PHLDB2: variants seen among roughly 807,000 people sequenced by gnomAD.
PHLDB2 encodes pleckstrin homology-like domain family B member 2.
A neutral mutation model predicts 123.6 loss-of-function variants in PHLDB2; 71 were observed. The observed-to-expected ratio is 0.57, with a 90% CI of 0.47 to 0.70. The LOEUF is 0.70. PHLDB2 is among the 30% of genes least tolerant of loss of function. The pLI, the probability that PHLDB2 is intolerant of heterozygous loss-of-function variation, is 0.00. For synonymous variants in PHLDB2, 547 were observed against 541.6 expected, an observed-to-expected ratio of 1.01 and a Z score of -0.14; for missense variants, 1,446 against 1,519.5, an observed-to-expected ratio of 0.95 and a Z score of 0.80.
chr3:111,955,143 T>TTATA (rs1559921115), intron 12 of PHLDB2, among the ~76,000 whole-genome samples: 1 of 9,248 alleles, frequency 1.1e-4, no homozygotes, highest in African/African-American at 3.3e-4. Flanking sequence ...TATGTATATA[T>TTATA]GATATATATA....
At chr3:111,973,858 A>G in intron 17 of PHLDB2, 41 bp downstream of exon 17, 1 of 1,212,668 alleles carries the variant, frequency 8.2e-7, no homozygotes, top group Non-Finnish European at 1.2e-6. Context: ...TTGAATGCAT[A>G]ATTAAGAAGG....
intron 12 of PHLDB2, among the ~76,000 whole-genome samples, chr3:111,961,767 G>C (rs943066822): frequency 1.3e-5 from 2 of 152,120 alleles, no homozygotes; most frequent in Non-Finnish European, 2.9e-5. Context: ...ATTTTCACTT[G>C]AACACAGCTA....
chr3:111,827,838 T>A (rs920532822), intron 1 of PHLDB2, among the ~76,000 whole-genome samples: 3 of 152,150 alleles, frequency 2.0e-5, no homozygotes, highest in Non-Finnish European at 2.9e-5. Context: ...GTCTCAGGGC[T>A]TACTAGAGTG....
At chr3:111,901,004 G>A (rs955484681) in intron 2 of PHLDB2, among the ~76,000 whole-genome samples, 4 of 151,922 alleles carry the variant, frequency 2.6e-5, no homozygotes, top group African/African-American at 9.7e-5. Context: ...TCACAGGCGT[G>A]AGCCACTGTG....
At chr3:111,748,960 G>T (rs1403867476) in intron 1 of PHLDB2, among the ~76,000 whole-genome samples, 1 of 151,738 alleles carries the variant, frequency 6.6e-6, no homozygotes, top group East Asian at 1.9e-4. Context: ...TACATTTTTA[G>T]AGTCTTTTTA....
chr3:111,824,084 A>T (rs992960314), intron 1 of PHLDB2, among the ~76,000 whole-genome samples: 5 of 152,342 alleles, frequency 3.3e-5, no homozygotes, highest in African/African-American at 9.6e-5. Flanking sequence ...CTCTGTCTGC[A>T]GATAACTTGA....
chr3:111,882,866 C>T (rs1207223167), intron 1 of PHLDB2, among the ~76,000 whole-genome samples: 1 of 152,188 alleles, frequency 6.6e-6, no homozygotes. Context: ...TCAAGTTTTT[C>T]ACCTATAGGA....
intron 1 of PHLDB2, among the ~76,000 whole-genome samples, chr3:111,764,444 AC>A (rs2060044291): frequency 6.6e-6 from 1 of 152,184 alleles, no homozygotes; most frequent in South Asian, 2.1e-4. Flanking sequence ...CCTGTGTTAA[AC>A]ATGGATTGTT....
At chr3:111,933,791 C>T (rs878921506) in intron 6 of PHLDB2, among the ~76,000 whole-genome samples, 1 of 152,066 alleles carries the variant, frequency 6.6e-6, no homozygotes, top group Admixed American at 6.6e-5. Context: ...ATTTTTTTTA[C>T]ATTTGCTTAC....
intron 2 of PHLDB2, among the ~76,000 whole-genome samples, chr3:111,846,852 G>A (rs2064015656): frequency 6.6e-6 from 1 of 152,088 alleles, no homozygotes; most frequent in South Asian, 2.1e-4. Context: ...GAGCAGACAT[G>A]GAAAATAAAA....
At chr3:111,929,993 G>A (rs1444404920) in intron 5 of PHLDB2, among the ~76,000 whole-genome samples, 1 of 148,808 alleles carries the variant, frequency 6.7e-6, no homozygotes, top group Non-Finnish European at 1.5e-5. Flanking sequence ...CTCACTGCAA[G>A]CTCTGCCTCC....
At chr3:111,810,673 T>C (rs2061797521) in intron 1 of PHLDB2, among the ~76,000 whole-genome samples, 1 of 152,106 alleles carries the variant, frequency 6.6e-6, no homozygotes, top group Admixed American at 6.6e-5. Context: ...ATATAAATTT[T>C]CCAAGGACGC....
At chr3:111,955,246 G>GT in intron 12 of PHLDB2, among the ~76,000 whole-genome samples, 1 of 151,712 alleles carries the variant, frequency 6.6e-6, no homozygotes, top group Non-Finnish European at 1.5e-5. Context: ...TTTATAATGT[G>GT]TAAGAGACAT....
At chr3:111,946,962 G>C (rs1255637989) in intron 9 of PHLDB2, among the ~76,000 whole-genome samples, 3 of 151,020 alleles carry the variant, frequency 2.0e-5, no homozygotes, top group African/African-American at 4.9e-5. Flanking sequence ...TTTGGAGGTA[G>C]AGTTGACAGT....
rs1391352944 is a variant in PHLDB2, at chr3:111,834,240, ATAGAAT to A, written c.-48-11578_-48-11573del. ...GAATTATATATATATTATGTATATA[ATAGAAT>A]TATATATATAATTCTATTATATACA... On this transcript the variant is annotated intron_variant, in intron 1 of 17. Transcript: ENST00000393923. Among the ~76,000 whole-genome samples, 518 of 72,870 alleles carry A rather than the reference ATAGAAT, an allele frequency of 7.1e-3. 36 individuals are homozygous for A. The highest frequency in any genetic ancestry group is 0.027 in the African/African-American group (323 of 12,024). The allele number at this position is 72,870 out of a possible 152,430, so 47.8% of individuals were successfully genotyped here.
intron 2 of PHLDB2, among the ~76,000 whole-genome samples, chr3:111,895,204 A>G (rs2066759302): frequency 6.6e-6 from 1 of 152,210 alleles, no homozygotes; most frequent in African/African-American, 2.4e-5. Context: ...ATGAAATTCT[A>G]TATTGCAGTA....
intron 1 of PHLDB2, among the ~76,000 whole-genome samples, chr3:111,801,569 T>A (rs1474881078): frequency 6.6e-6 from 1 of 152,248 alleles, no homozygotes; most frequent in East Asian, 1.9e-4. Context: ...GGCTGGTTCA[T>A]AATAAGTATT....
intron 1 of PHLDB2, among the ~76,000 whole-genome samples, chr3:111,875,613 A>G (rs1042977807): frequency 6.6e-6 from 1 of 151,534 alleles, no homozygotes; most frequent in African/African-American, 2.4e-5. Context: ...ACCTGAAGTC[A>G]GGAGTTAGAG....
At chr3:111,901,532 TA>T (rs11353893) in intron 2 of PHLDB2, among the ~76,000 whole-genome samples, 71,889 of 151,724 alleles carry the variant, frequency 0.47, 17,613 homozygotes, top group East Asian at 0.66. Flanking sequence ...TCTTATTTTT[TA>T]AAGGATAGGA....
Sources: gnomAD v4.1 joint callset for allele counts (sites outside exome capture counted in the v4.1 genomes callset) on GRCh38, gnomAD v4.1.1 for gene constraint, MANE v1.5 for transcripts, NCBI Gene and HGNC (gene_info 2026-07-23, HGNC 2026-07-21) for gene names.